SDK1: variants seen among roughly 807,000 people sequenced by gnomAD.
SDK1 encodes protein sidekick-1.
Under a neutral mutation model 245.5 loss-of-function variants are expected in SDK1, and 157 were observed. The ratio of observed to expected loss-of-function variants is 0.64; its 90% confidence interval spans 0.56 to 0.73. The LOEUF (loss-of-function observed/expected upper bound fraction) is 0.73. Among genes scored for constraint, SDK1 ranks in the 30% least tolerant of loss-of-function variants. The pLI, the probability that SDK1 is intolerant of heterozygous loss-of-function variation, is 0.00. For missense variants in SDK1, 3,583 were observed against 3,002.3 expected, an observed-to-expected ratio of 1.19 and a Z score of -4.52; for synonymous variants, 1,647 against 1,278.5, an observed-to-expected ratio of 1.29 and a Z score of -6.15.
intron 1 of SDK1, among the ~76,000 whole-genome samples, chr7:3,416,631 A>G (rs1229427789): frequency 2.0e-5 from 3 of 152,168 alleles, no homozygotes; most frequent in African/African-American, 7.2e-5. Context: ...CTTTGCCTGG[A>G]CAGGTAAATC....
At chr7:4,253,711 G>A (rs1583182361) in intron 44 of SDK1, among the ~76,000 whole-genome samples, 1 of 152,116 alleles carries the variant, frequency 6.6e-6, no homozygotes, top group Non-Finnish European at 1.5e-5. Flanking sequence ...TCTGCCATTT[G>A]TCAGTGCATT....
rs1583654808 is a variant in SDK1, at chr7:3,302,043, G to C, written c.298+159G>C. On this transcript the variant is annotated intron_variant, in intron 1 of 44. Coordinates refer to ENST00000404826, the MANE Select transcript of SDK1 (RefSeq NM_152744.4). ...GGAGCCCAGGGGCTCCTCCACGCCA[G>C]ACTCGGAGGAGAGGGAAACGGAGCC... 3 of 432,638 alleles carry C rather than the reference G, an allele frequency of 6.9e-6. No individual in the cohort carries two copies. In the East Asian group the frequency reaches 2.7e-4, roughly 39 times the overall value. The allele number at this position is 432,638 out of a possible 1,614,324, so 26.8% of individuals were successfully genotyped here.
intron 35 of SDK1, among the ~76,000 whole-genome samples, chr7:4,204,925 G>A (rs1285731487): frequency 6.6e-6 from 1 of 152,258 alleles, no homozygotes; most frequent in Non-Finnish European, 1.5e-5. Flanking sequence ...GTTCTGGAAC[G>A]CAGGCGTGTG....
At chr7:4,034,725 A>T (rs1477838576) in intron 17 of SDK1, among the ~76,000 whole-genome samples, 16 of 152,194 alleles carry the variant, frequency 1.1e-4, no homozygotes. Context: ...GTACAAGCCT[A>T]TTCGCTGCAA....
chr7:4,243,599 TC>T (rs1786661145), intron 43 of SDK1, among the ~76,000 whole-genome samples: 1 of 151,512 alleles, frequency 6.6e-6, no homozygotes, highest in Non-Finnish European at 1.5e-5. Context: ...GTAGGGAAAC[TC>T]CCCTTTATAA....
At chr7:3,572,506 C>G (rs982141944) in intron 1 of SDK1, among the ~76,000 whole-genome samples, 1 of 152,018 alleles carries the variant, frequency 6.6e-6, no homozygotes, top group Non-Finnish European at 1.5e-5. Flanking sequence ...GAGGAGATAG[C>G]TGGCGTGTGC....
At chr7:4,002,010 G>C (rs908450581) in intron 14 of SDK1, among the ~76,000 whole-genome samples, 2 of 152,226 alleles carry the variant, frequency 1.3e-5, no homozygotes, top group Middle Eastern at 3.2e-3. Context: ...CAGGAGTACA[G>C]TCTGTTCTAC....
At chr7:3,555,494 C>G (rs952432278) in intron 1 of SDK1, among the ~76,000 whole-genome samples, 2 of 152,124 alleles carry the variant, frequency 1.3e-5, no homozygotes, top group African/African-American at 4.8e-5. Flanking sequence ...TGGGGAAACT[C>G]TCCAGGGCAT....
At chr7:4,235,080 A>T (rs967397960) in intron 41 of SDK1, among the ~76,000 whole-genome samples, 1 of 152,084 alleles carries the variant, frequency 6.6e-6, no homozygotes, top group Non-Finnish European at 1.5e-5. Context: ...CGTGGGCCCT[A>T]AGCCTGGTAC....
rs78294024 is a variant in SDK1 at position 4,097,876 on chromosome 7, C to T, written c.3325-12787C>T. On this transcript the variant is annotated intron_variant, in intron 22 of 44. Coordinates refer to ENST00000404826, the MANE Select transcript of SDK1 (RefSeq NM_152744.4). ...CTCTGAATAGTCATTCGCACATGCA[C>T]AGGAGAGCTGTCATTGGCCCTAATG... Among the ~76,000 whole-genome samples the T allele has an allele frequency of 9.8e-5, 15 of 152,290 alleles. No individual in the cohort carries two copies. The East Asian group carries it at 2.7e-3, about 27-fold the overall frequency.
chr7:4,063,789 A>G (rs1779699634), intron 19 of SDK1, among the ~76,000 whole-genome samples: 1 of 152,156 alleles, frequency 6.6e-6, no homozygotes, highest in Non-Finnish European at 1.5e-5. Context: ...AGACCAATGG[A>G]ACAGAATAGA....
At chr7:3,618,304 C>T (rs1371363070) in intron 1 of SDK1, among the ~76,000 whole-genome samples, 2 of 152,194 alleles carry the variant, frequency 1.3e-5, no homozygotes, top group South Asian at 2.1e-4. Flanking sequence ...TCACCCCCGT[C>T]GCTATCCCAT....
chr7:3,841,297 T>G (rs1020869451), intron 5 of SDK1, among the ~76,000 whole-genome samples: 2 of 152,132 alleles, frequency 1.3e-5, no homozygotes, highest in Admixed American at 1.3e-4. Context: ...CTGTTTGCAT[T>G]GTTTGATCCA....
chr7:3,365,613 T>C (rs970862554), intron 1 of SDK1, among the ~76,000 whole-genome samples: 1 of 152,236 alleles, frequency 6.6e-6, no homozygotes, highest in African/African-American at 2.4e-5. Context: ...AAAATTGCTG[T>C]ATTAAAATTA....
In SDK1 at chr7:4,265,488, A is replaced by G; in HGVS notation, c.*104A>G. On this transcript the variant is annotated 3_prime_UTR_variant, in exon 45 of 45. Coordinates refer to ENST00000404826, the MANE Select transcript of SDK1 (RefSeq NM_152744.4). ...TAACTGAGCTGAAGTTTTTGTTTAA[A>G]AAGAAAAAAATCTGATAAGTGATGA... 4 of 1,371,164 alleles carry G rather than the reference A, an allele frequency of 2.9e-6. No homozygotes were observed. Among genetic ancestry groups the G allele is most frequent in the Non-Finnish European group, 3.7e-6 (4 of 1,070,586 alleles). 84.9% of individuals were successfully genotyped at this position (1,371,164 alleles called of 1,614,324 possible).
chr7:3,626,810 T>C (rs1191386115), intron 2 of SDK1, among the ~76,000 whole-genome samples: 5 of 152,060 alleles, frequency 3.3e-5, no homozygotes, highest in African/African-American at 4.8e-5. Flanking sequence ...TTTTCTTCTA[T>C]AGGAAATCTC....
rs532023009 is a variant in SDK1, at chr7:3,720,459, A to G, written c.713+78354A>G. On this transcript the variant is annotated intron_variant, in intron 4 of 44. Coordinates refer to ENST00000404826, the MANE Select transcript of SDK1 (RefSeq NM_152744.4). ...TCACCAAAGAGGATATACAAATGGC[A>G]AACAAACATGTATAAAGATATTCAA... Among the ~76,000 whole-genome samples the G allele has an allele frequency of 3.3e-5, 5 of 152,376 alleles. No individual in the cohort carries two copies. The South Asian group carries it at 1.0e-3, about 32-fold the overall frequency.
rs73296358 is a variant in SDK1, at chr7:3,397,851, G to A, written c.298+95967G>A. Among the ~76,000 whole-genome samples, 1,373 of 152,010 alleles carry A rather than the reference G, an allele frequency of 9.0e-3. 27 individuals carry two copies. The highest frequency in any genetic ancestry group is 0.031 in the African/African-American group (1,294 of 41,478). On this transcript the variant is annotated intron_variant, in intron 1 of 44. Coordinates refer to ENST00000404826, the MANE Select transcript of SDK1 (RefSeq NM_152744.4). ...ACACTTTTTTCCATTAGAGCTTTTGGCATATTAATCATAGTTATGAATTTC... is the reference window on the plus strand; with the variant it reads ...ACACTTTTTTCCATTAGAGCTTTTGACATATTAATCATAGTTATGAATTTC...
chr7:3,504,028 T>TA (rs1782305698), intron 1 of SDK1, among the ~76,000 whole-genome samples: 1 of 151,872 alleles, frequency 6.6e-6, no homozygotes, highest in African/African-American at 2.4e-5. Flanking sequence ...CACGTGCCTG[T>TA]AGTCTCAGCT....
Sources: gnomAD v4.1 joint callset for allele counts (sites outside exome capture counted in the v4.1 genomes callset) on GRCh38, gnomAD v4.1.1 for gene constraint, MANE v1.5 for transcripts, NCBI Gene and HGNC (gene_info 2026-07-23, HGNC 2026-07-21) for gene names.